The following RAD52 variants were observed in gnomAD, a reference collection of about 807,000 sequenced individuals.
The protein encoded by RAD52 is RAD52 DNA repair protein, also known as DNA repair protein RAD52 homolog.
In RAD52, 47 loss-of-function variants were observed where a neutral mutation model predicts 55.5. The observed-to-expected ratio is 0.85, with a 90% CI of 0.67 to 1.08. The LOEUF (loss-of-function observed/expected upper bound fraction) is 1.08, where lower values mean the gene tolerates loss of function less well. RAD52 is among the 50% of genes least tolerant of loss of function. The pLI is 0.00. For missense variants in RAD52, 468 were observed against 522.8 expected (o/e 0.90, Z 1.02); for synonymous variants, 184 against 198.9 (o/e 0.92, Z 0.63).
intron 1 of RAD52, among the ~76,000 whole-genome samples, chr12:962,560 G>A (rs1364964836): frequency 2.0e-5 from 3 of 151,622 alleles, no homozygotes; most frequent in African/African-American, 7.3e-5. Flanking sequence ...TGTTAGGCAG[G>A]ATGGTCTCGA....
chr12:918,779 C>T (rs770050732), intron 7 of RAD52, among the ~76,000 whole-genome samples: 1 of 151,828 alleles, frequency 6.6e-6, no homozygotes, highest in Non-Finnish European at 1.5e-5. Context: ...CTGCAAGGAA[C>T]ACAGCTGGGC....
At chr12:966,409 G>A (rs2154120974) in intron 1 of RAD52, among the ~76,000 whole-genome samples, 1 of 152,160 alleles carries the variant, frequency 6.6e-6, no homozygotes, top group Non-Finnish European at 1.5e-5. Context: ...CTCGAGACTA[G>A]AAACCATGAA....
intron 10 of RAD52, 80 bp downstream of exon 10, chr12:914,351 T>C: frequency 6.4e-7 from 1 of 1,567,328 alleles, no homozygotes; most frequent in Non-Finnish European, 8.6e-7. Flanking sequence ...AAAATGAGGA[T>C]TTTTATGTCG....
At position 912,981 on chromosome 12, in the gene RAD52, A is replaced by AAGGCAGAC. The variant is rs1311730773; in HGVS notation, c.*402_*409dup. ...TAAAGGCATGGACCGTAAAGGAAAG[A>AAGGCAGAC]AGGCAGACGTTATGCAAAACAACTG... On this transcript the variant is annotated 3_prime_UTR_variant, in exon 12 of 12. Coordinates refer to ENST00000358495, the MANE Select transcript of RAD52 (RefSeq NM_134424.4). 2.6e-5 allele frequency: 5 copies of AAGGCAGAC among 192,112 alleles called. No homozygotes were observed. The highest frequency in any genetic ancestry group is 5.1e-5 in the Non-Finnish European group (5 of 97,370). 11.9% of individuals were successfully genotyped at this position (192,112 alleles called of 1,614,324 possible).
upstream of RAD52, among the ~76,000 whole-genome samples, chr12:954,010 A>G (rs145439232): frequency 1.3e-3 from 198 of 152,298 alleles, 1 homozygote; most frequent in African/African-American, 4.4e-3. Flanking sequence ...AATTCTTGAC[A>G]TCATGCTGAT....
chr12:939,769 C>G (rs922419878), intron 1 of RAD52, among the ~76,000 whole-genome samples: 5 of 152,260 alleles, frequency 3.3e-5, no homozygotes, highest in Middle Eastern at 3.4e-3. Context: ...AAGAGAGATG[C>G]AAAGAAGAGA....
intron 1 of RAD52, among the ~76,000 whole-genome samples, chr12:967,429 T>C (rs979892877): frequency 2.0e-5 from 3 of 149,498 alleles, no homozygotes; most frequent in African/African-American, 7.4e-5. Context: ...ATTTAACAAA[T>C]AGGTGTGAAA....
chr12:988,635 T>C (rs145249682), intron 1 of RAD52, among the ~76,000 whole-genome samples: 1 of 152,276 alleles, frequency 6.6e-6, no homozygotes, highest in Non-Finnish European at 1.5e-5. Context: ...TTGTGCTGCA[T>C]CAAGACATGG....
intron 1 of RAD52, among the ~76,000 whole-genome samples, chr12:978,306 G>C (rs939959940): frequency 1.5e-4 from 23 of 151,872 alleles, no homozygotes; most frequent in Non-Finnish European, 2.9e-5. Context: ...GCCCGCCTTG[G>C]CCTCCCACAG....
chr12:932,943 A>C, intron 2 of RAD52, 32 bp downstream of exon 2: 1 of 1,609,334 alleles, frequency 6.2e-7, no homozygotes. Context: ...ACTTCACCTC[A>C]TTCTTTCCCG....
At chr12:959,432 G>A (rs1357324890) in intron 1 of RAD52, among the ~76,000 whole-genome samples, 1 of 152,132 alleles carries the variant, frequency 6.6e-6, no homozygotes, top group Non-Finnish European at 1.5e-5. Context: ...ATACTGTCAC[G>A]GAGCTTACAA....
intron 1 of RAD52, among the ~76,000 whole-genome samples, chr12:943,867 T>C (rs1166844263): frequency 6.6e-6 from 1 of 151,850 alleles, no homozygotes; most frequent in African/African-American, 2.4e-5. Flanking sequence ...GTCATGAAGA[T>C]ATTCTTCTCA....
At chr12:932,856 G>A (rs878926946) in intron 2 of RAD52, 119 bp downstream of exon 2, 6 of 684,402 alleles carry the variant, frequency 8.8e-6, no homozygotes, top group East Asian at 7.8e-5. Context: ...GCTCACACAC[G>A]TACTAGGTAA....
rs756587718 is a variant in RAD52, at chr12:916,471, T to C, written c.738A>G (p.Ser246=). ...GCGTGGCCTCGCTCTCCACGGCGGA[T>C]GAGCTCAGGCTTCTGCATGAGAGGG... The part of the protein sequence containing the change: ...DQDCSSRSLS[S]SAVESEATHQ... Residue 246 remains serine (S), a synonymous_variant, in exon 9 of 12, where the codon TCA becomes TCG. Transcript: ENST00000358495. 2.5e-6 allele frequency: 4 copies of C among 1,607,816 alleles called. No individual in the cohort carries two copies. Among genetic ancestry groups the C allele is most frequent in the Non-Finnish European group, 3.4e-6 (4 of 1,179,582 alleles).
upstream of RAD52, among the ~76,000 whole-genome samples, chr12:954,066 A>T (rs911101323): frequency 7.2e-5 from 11 of 152,096 alleles, no homozygotes; most frequent in South Asian, 2.1e-4. Context: ...TATCTTTTTT[A>T]AAAAAATTAT....
rs752505001 is a variant in RAD52, at chr12:916,370, G to C, written c.839C>G (p.Ser280Cys). Residue 280 changes from serine (S) to cysteine (C), a missense_variant, in exon 9 of 12, where the codon TCC becomes TGC. Transcript: ENST00000358495. ...ERMEKQQVRVSTPSAEKSEAA... is the reference protein window; with the variant it reads ...ERMEKQQVRVCTPSAEKSEAA... ...CTCACTCTTCTCAGCTGACGGCGTG[G>C]AGACTCGAACCTGCTGCTTCTCCAT... is the stretch of plus-strand genomic sequence containing the variant. 4 of 1,607,890 alleles carry C rather than the reference G, an allele frequency of 2.5e-6. No individual in the cohort carries two copies. Among genetic ancestry groups the C allele is most frequent in the Non-Finnish European group, 3.4e-6 (4 of 1,179,922 alleles).
chr12:934,327 G>C (rs1957497047), intron 1 of RAD52, among the ~76,000 whole-genome samples: 1 of 151,798 alleles, frequency 6.6e-6, no homozygotes, highest in Non-Finnish European at 1.5e-5. Context: ...GCCGGGTGTG[G>C]TAGTGCGAGC....
At chr12:973,921 G>A (rs1189489695) in intron 1 of RAD52, among the ~76,000 whole-genome samples, 1 of 151,768 alleles carries the variant, frequency 6.6e-6, no homozygotes, top group Non-Finnish European at 1.5e-5. Context: ...AGTAACCGGG[G>A]ACCACAGGCA....
intron 1 of RAD52, among the ~76,000 whole-genome samples, chr12:971,549 G>C (rs1233825474): frequency 6.6e-6 from 1 of 151,990 alleles, no homozygotes. Context: ...CTTTGGTCAA[G>C]ATTTCCGTTT....
Sources: gnomAD v4.1 joint callset for allele counts (sites outside exome capture counted in the v4.1 genomes callset) on GRCh38, gnomAD v4.1.1 for gene constraint, MANE v1.5 for transcripts, NCBI Gene and HGNC (gene_info 2026-07-23, HGNC 2026-07-21) for gene names.